The following ERCC6L2 variants were observed in gnomAD, a reference collection of about 807,000 sequenced individuals.
ERCC6L2 encodes ERCC excision repair 6 like 2.
A neutral mutation model predicts 132.0 loss-of-function variants in ERCC6L2; 77 were observed. That is an observed-to-expected ratio of 0.58 (90% CI 0.49 to 0.71). The LOEUF (loss-of-function observed/expected upper bound fraction) is 0.71, where lower values mean the gene tolerates loss of function less well. ERCC6L2 is among the 30% of genes least tolerant of loss of function. ERCC6L2 has a pLI of 0.00. For missense variants in ERCC6L2, 1,542 were observed against 1,837.6 expected (o/e 0.84, Z 2.94); for synonymous variants, 583 against 632.4 (o/e 0.92, Z 1.17).
intron 2 of ERCC6L2, among the ~76,000 whole-genome samples, chr9:95,882,667 GA>G (rs11325885): frequency 0.17 from 25,060 of 148,520 alleles, 2,258 homozygotes; most frequent in Middle Eastern, 0.24. Flanking sequence ...AAAAAGAAAA[GA>G]AAAAAAAAAT....
At chr9:95,943,780 A>G (rs1830919489) in intron 12 of ERCC6L2, among the ~76,000 whole-genome samples, 1 of 152,186 alleles carries the variant, frequency 6.6e-6, no homozygotes, top group East Asian at 1.9e-4. Flanking sequence ...CATTAGGGAA[A>G]TGCATATCGG....
chr9:95,955,716 T>A lies in ERCC6L2; in HGVS notation c.1848-198T>A, dbSNP rs1024348136. ...GTTGATACTTGTAGGTTTTCTGTAATATTTTTTCTCCTTAATAAGCTTTTT... is the reference window on the plus strand; with the variant it reads ...GTTGATACTTGTAGGTTTTCTGTAAAATTTTTTCTCCTTAATAAGCTTTTT... On this transcript the variant is annotated intron_variant, in intron 12 of 18. Coordinates refer to ENST00000653738, the MANE Select transcript of ERCC6L2 (RefSeq NM_020207.7). 3.4e-5 allele frequency among the ~76,000 whole-genome samples: 5 copies of A among 148,782 alleles called. 1 individual carries two copies. Among genetic ancestry groups the A allele is most frequent in the African/African-American group, 1.3e-4 (5 of 38,218 alleles).
At chr9:95,927,977 T>A in intron 9 of ERCC6L2, 102 bp from the exon 10 acceptor site, 2 of 782,900 alleles carry the variant, frequency 2.6e-6, no homozygotes, top group Non-Finnish European at 4.4e-6. Flanking sequence ...AGGTTAGTAT[T>A]GTATGAAAAT....
At chr9:95,946,338 C>G (rs1831063655) in intron 12 of ERCC6L2, among the ~76,000 whole-genome samples, 1 of 152,100 alleles carries the variant, frequency 6.6e-6, no homozygotes, top group South Asian at 2.1e-4. Flanking sequence ...ACCATCCTGG[C>G]TAACACGGTG....
intron 18 of ERCC6L2, among the ~76,000 whole-genome samples, chr9:96,011,181 A>G (rs1248403353): frequency 6.6e-6 from 1 of 152,192 alleles, no homozygotes; most frequent in Non-Finnish European, 1.5e-5. Context: ...ATGGCCAACA[A>G]CAAGAAGTTA....
Position 96,015,947 on chromosome 9 carries a change from A to G in ERCC6L2, c.*2744A>G, listed in dbSNP as rs899647648. ...TGTCAGGTGGAATGCAGAGTCCAGT[A>G]TGAAAAGGAGCCTGTTTCAGAACGG... On this transcript the variant is annotated 3_prime_UTR_variant, in exon 19 of 19. Transcript: ENST00000653738. Among the ~76,000 whole-genome samples, 3 of 152,218 alleles carry G rather than the reference A, an allele frequency of 2.0e-5. No individual in the cohort carries two copies. Among genetic ancestry groups the G allele is most frequent in the African/African-American group, 7.2e-5 (3 of 41,464 alleles).
intron 1 of ERCC6L2, among the ~76,000 whole-genome samples, chr9:95,879,223 T>C (rs1827460042): frequency 6.6e-6 from 1 of 152,178 alleles, no homozygotes; most frequent in Admixed American, 6.5e-5. Flanking sequence ...GGTATCTCAT[T>C]GTGGCTTTGA....
At position 96,015,929 on chromosome 9, in the gene ERCC6L2, TGGAATG is replaced by T. The variant is rs1255563490; in HGVS notation, c.*2727_*2732del. 6.6e-6 allele frequency among the ~76,000 whole-genome samples: 1 copy of T among 152,072 alleles called. No individual in the cohort carries two copies. Among genetic ancestry groups the T allele is most frequent in the Non-Finnish European group, 1.5e-5 (1 of 68,012 alleles). On this transcript the variant is annotated 3_prime_UTR_variant, in exon 19 of 19. Transcript: ENST00000653738. The stretch of plus-strand genomic sequence containing the variant: ...CTATTATGTAGGAAAGTGTGTCAGG[TGGAATG>T]CAGAGTCCAGTATGAAAAGGAGCCT...
intron 16 of ERCC6L2, 93 bp downstream of exon 16, chr9:95,973,181 C>T (rs959688940): frequency 1.1e-6 from 1 of 883,770 alleles, no homozygotes; most frequent in African/African-American, 1.8e-5. Flanking sequence ...TAAAACAGCC[C>T]TAAAATCAAG....
chr9:95,910,660 G>A (rs897397633), intron 4 of ERCC6L2, among the ~76,000 whole-genome samples: 1 of 152,056 alleles, frequency 6.6e-6, no homozygotes, highest in Non-Finnish European at 1.5e-5. Context: ...TCTTATTTGG[G>A]TATTTAGACC....
chr9:96,001,445 T>A (rs1210239827), intron 17 of ERCC6L2, among the ~76,000 whole-genome samples: 1 of 152,156 alleles, frequency 6.6e-6, no homozygotes, highest in Non-Finnish European at 1.5e-5. Context: ...CAGAGTTTCC[T>A]CACACAGGTT....
At chr9:95,997,229 A>G (rs1172044574) in intron 17 of ERCC6L2, among the ~76,000 whole-genome samples, 1 of 152,246 alleles carries the variant, frequency 6.6e-6, no homozygotes, top group Non-Finnish European at 1.5e-5. Context: ...AGCATTTCAA[A>G]ATATCTACAT....
chr9:95,995,070 A>G (rs1833427273), intron 17 of ERCC6L2, among the ~76,000 whole-genome samples: 1 of 152,236 alleles, frequency 6.6e-6, no homozygotes, highest in African/African-American at 2.4e-5. Context: ...GAGTAAATAG[A>G]AAACTGCTAA....
At chr9:95,885,625 CACTGGAGTAT>C (rs1378992819) in intron 2 of ERCC6L2, among the ~76,000 whole-genome samples, 1 of 152,046 alleles carries the variant, frequency 6.6e-6, no homozygotes, top group Non-Finnish European at 1.5e-5. Context: ...TAAACAATTT[CACTGGAGTAT>C]ACAGGTTTGG....
At chr9:95,979,356 T>C (rs762571503) in intron 17 of ERCC6L2, among the ~76,000 whole-genome samples, 13 of 152,152 alleles carry the variant, frequency 8.5e-5, no homozygotes, top group Admixed American at 2.0e-4. Flanking sequence ...CACTCCCATA[T>C]GCAAAGAATT....
chr9:96,011,935 T>G (rs1834038720), intron 18 of ERCC6L2, among the ~76,000 whole-genome samples: 1 of 152,116 alleles, frequency 6.6e-6, no homozygotes, highest in Admixed American at 6.5e-5. Context: ...AAAGGAGGAG[T>G]AGCATGCTGG....
At chr9:96,003,666 T>A (rs934793673) in intron 17 of ERCC6L2, among the ~76,000 whole-genome samples, 3 of 152,188 alleles carry the variant, frequency 2.0e-5, no homozygotes, top group African/African-American at 7.2e-5. Context: ...ACATGGGTGC[T>A]GTAACTTAAG....
At chr9:95,933,127 C>T (rs1830412228) in intron 11 of ERCC6L2, among the ~76,000 whole-genome samples, 1 of 152,152 alleles carries the variant, frequency 6.6e-6, no homozygotes, top group South Asian at 2.1e-4. Flanking sequence ...TTATCTGTGG[C>T]TCATATATGG....
intron 17 of ERCC6L2, among the ~76,000 whole-genome samples, chr9:96,002,477 A>G (rs1833722772): frequency 6.7e-6 from 1 of 149,402 alleles, no homozygotes; most frequent in Admixed American, 6.7e-5. Flanking sequence ...GCTGGAATGC[A>G]GTGGCACGAT....
Sources: gnomAD v4.1 joint callset for allele counts (sites outside exome capture counted in the v4.1 genomes callset) on GRCh38, gnomAD v4.1.1 for gene constraint, MANE v1.5 for transcripts, NCBI Gene and HGNC (gene_info 2026-07-23, HGNC 2026-07-21) for gene names.